Variants in CIMIP2C observed in about 807,000 individuals in gnomAD.
CIMIP2C encodes ciliary microtubule inner protein 2C.
chr2:26,570,630 G>A, the CIMIP2C span, among the ~76,000 whole-genome samples: 4 of 152,180 alleles, frequency 2.6e-5, no homozygotes, highest in African/African-American at 7.2e-5. Flanking sequence ...TGGGCAACAG[G>A]GAAAATGCAT....
the CIMIP2C span, among the ~76,000 whole-genome samples, chr2:26,566,382 G>T: frequency 1.3e-5 from 2 of 152,198 alleles, no homozygotes; most frequent in Non-Finnish European, 1.5e-5. Context: ...TCCCACAAAG[G>T]TGGCTGTGTC....
the CIMIP2C span, among the ~76,000 whole-genome samples, chr2:26,572,330 G>A: frequency 6.7e-6 from 1 of 149,592 alleles, no homozygotes; most frequent in Non-Finnish European, 1.5e-5. Flanking sequence ...TCTAACAGAG[G>A]CTCTACATTA....
the CIMIP2C span, chr2:26,578,615 G>GCT: frequency 2.7e-6 from 1 of 365,390 alleles, no homozygotes; most frequent in South Asian, 2.0e-5. Context: ...GGACTCGGGG[G>GCT]CTCTCTCTAA....
At chr2:26,572,987 T>C in the CIMIP2C span, among the ~76,000 whole-genome samples, 3 of 152,238 alleles carry the variant, frequency 2.0e-5, no homozygotes, top group African/African-American at 7.2e-5. Flanking sequence ...CAGCACGAAG[T>C]GCTCTCAGGA....
At chr2:26,564,291 G>C in the CIMIP2C span, among the ~76,000 whole-genome samples, 3 of 152,160 alleles carry the variant, frequency 2.0e-5, no homozygotes, top group African/African-American at 7.2e-5. Flanking sequence ...CCCATCTGAG[G>C]GGCAAGGCCT....
the CIMIP2C span, among the ~76,000 whole-genome samples, chr2:26,563,546 A>C: frequency 6.6e-6 from 1 of 152,206 alleles, no homozygotes; most frequent in Non-Finnish European, 1.5e-5. Flanking sequence ...TCTGAGAGGC[A>C]ACCTGTACAG....
At chr2:26,576,810 C>G in the CIMIP2C span, among the ~76,000 whole-genome samples, 1 of 152,372 alleles carries the variant, frequency 6.6e-6, no homozygotes, top group African/African-American at 2.4e-5. Flanking sequence ...TAAAGCCTCC[C>G]TGGATGTGGT....
At chr2:26,572,009 A>G in the CIMIP2C span, 1 of 1,147,202 alleles carries the variant, frequency 8.7e-7, no homozygotes, top group Non-Finnish European at 1.2e-6. Context: ...CACAAGAGAT[A>G]TTAGTACAAA....
chr2:26,570,228 C>A, the CIMIP2C span, among the ~76,000 whole-genome samples: 2 of 152,168 alleles, frequency 1.3e-5, no homozygotes, highest in Non-Finnish European at 2.9e-5. Flanking sequence ...AGCTTGGGGG[C>A]GGAGAGAAGA....
the CIMIP2C span, among the ~76,000 whole-genome samples, chr2:26,568,403 G>A: frequency 6.6e-6 from 1 of 152,100 alleles, no homozygotes; most frequent in African/African-American, 2.4e-5. Context: ...TCTCTTCCCT[G>A]GAATTCACCT....
the CIMIP2C span, among the ~76,000 whole-genome samples, chr2:26,567,275 C>T: frequency 6.6e-6 from 1 of 152,176 alleles, no homozygotes; most frequent in Non-Finnish European, 1.5e-5. Context: ...TTCCCCCATC[C>T]TGTTCTCATG....
the CIMIP2C span, among the ~76,000 whole-genome samples, chr2:26,568,239 G>A: frequency 6.6e-6 from 1 of 152,152 alleles, no homozygotes; most frequent in African/African-American, 2.4e-5. Flanking sequence ...ATCCCCCCAG[G>A]AGGCAGCCTG....
At chr2:26,576,622 C>T in the CIMIP2C span, among the ~76,000 whole-genome samples, 4 of 152,188 alleles carry the variant, frequency 2.6e-5, no homozygotes, top group Admixed American at 1.3e-4. Context: ...TCCAGCCCCA[C>T]GGCATTTATC....
At chr2:26,569,149 A>G in the CIMIP2C span, among the ~76,000 whole-genome samples, 1 of 152,110 alleles carries the variant, frequency 6.6e-6, no homozygotes, top group South Asian at 2.1e-4. Context: ...TCCATGGGAA[A>G]GAGGGCATTC....
chr2:26,573,817 C>T, the CIMIP2C span, among the ~76,000 whole-genome samples: 1 of 152,160 alleles, frequency 6.6e-6, no homozygotes, highest in African/African-American at 2.4e-5. Flanking sequence ...GGAGCCTCTC[C>T]CCTCTGCAGC....
At chr2:26,579,217 CG>C in the CIMIP2C span, 1 of 1,556,110 alleles carries the variant, frequency 6.4e-7, no homozygotes, top group Non-Finnish European at 8.8e-7. Context: ...AAAGTGGGCA[CG>C]TGGGGCTGTG....
the CIMIP2C span, among the ~76,000 whole-genome samples, chr2:26,565,314 C>T: frequency 1.3e-5 from 2 of 152,308 alleles, no homozygotes; most frequent in East Asian, 1.9e-4. Flanking sequence ...TGGTCTCGAA[C>T]TCCTGACCTC....
At chr2:26,573,159 C>T in the CIMIP2C span, among the ~76,000 whole-genome samples, 54 of 152,218 alleles carry the variant, frequency 3.5e-4, no homozygotes, top group Non-Finnish European at 5.9e-4. Context: ...AATGGTGGGT[C>T]TGAAGGCAGA....
chr2:26,577,855 G>A, the CIMIP2C span: 6 of 493,996 alleles, frequency 1.2e-5, no homozygotes, highest in Admixed American at 8.2e-5. Context: ...GTGCTTTCCC[G>A]GCCAGATGCA....
Sources: gnomAD v4.1 joint callset for allele counts (sites outside exome capture counted in the v4.1 genomes callset) on GRCh38, gnomAD v4.1.1 for gene constraint, MANE v1.5 for transcripts, NCBI Gene and HGNC (gene_info 2026-07-23, HGNC 2026-07-21) for gene names.